Variants in ROBO2 observed in about 807,000 individuals in gnomAD.
ROBO2 encodes the protein roundabout guidance receptor 2.
ROBO2 carries 53 observed loss-of-function variants against 160.8 expected under a neutral mutation model. The observed-to-expected ratio is 0.33, with a 90% CI of 0.26 to 0.41. The LOEUF is 0.41. Ranked by LOEUF, ROBO2 falls within the 10% of genes least tolerant of loss-of-function variation. ROBO2 has a pLI of 1.00. For synonymous variants in ROBO2, 664 were observed against 611.7 expected, an observed-to-expected ratio of 1.09 and a Z score of -1.26; for missense variants, 1,577 against 1,722.4, an observed-to-expected ratio of 0.92 and a Z score of 1.49.
intron 21 of ROBO2, among the ~76,000 whole-genome samples, chr3:77,612,637 A>C (rs1413475419): frequency 1.3e-5 from 2 of 152,160 alleles, no homozygotes; most frequent in African/African-American, 4.8e-5. Context: ...CACACACACA[A>C]AATGACACAG....
chr3:76,473,009 T>A (rs2078749612), intron 2 of ROBO2, among the ~76,000 whole-genome samples: 1 of 152,162 alleles, frequency 6.6e-6, no homozygotes, highest in South Asian at 2.1e-4. Flanking sequence ...AAATGCAATT[T>A]TTTTATGATT....
chr3:76,805,963 C>T (rs2064672577), intron 2 of ROBO2, among the ~76,000 whole-genome samples: 1 of 151,876 alleles, frequency 6.6e-6, no homozygotes. Flanking sequence ...AAGATTACAT[C>T]TAGTCTTCTT....
At chr3:76,134,869 A>C (rs1349829922) in intron 2 of ROBO2, among the ~76,000 whole-genome samples, 1 of 151,926 alleles carries the variant, frequency 6.6e-6, no homozygotes, top group Non-Finnish European at 1.5e-5. Context: ...AAACCTCACA[A>C]AAAAAAATAA....
chr3:77,544,033 A>G (rs1229279395), intron 6 of ROBO2, among the ~76,000 whole-genome samples: 2 of 151,764 alleles, frequency 1.3e-5, no homozygotes, highest in African/African-American at 2.4e-5. Context: ...AGAGATAACT[A>G]TATACTCATT....
At chr3:77,272,583 C>G (rs1054264158) in intron 2 of ROBO2, among the ~76,000 whole-genome samples, 1 of 152,166 alleles carries the variant, frequency 6.6e-6, no homozygotes, top group Middle Eastern at 3.4e-3. Flanking sequence ...TGAGTGGGAA[C>G]ACAAATCCAA....
At chr3:77,365,771 C>T (rs1364803800) in intron 2 of ROBO2, among the ~76,000 whole-genome samples, 7 of 152,040 alleles carry the variant, frequency 4.6e-5, no homozygotes, top group Admixed American at 4.6e-4. Context: ...ATGGTATAGC[C>T]CAGAGTAAAC....
At chr3:76,978,731 G>A (rs2059932273) in intron 2 of ROBO2, among the ~76,000 whole-genome samples, 1 of 151,912 alleles carries the variant, frequency 6.6e-6, no homozygotes, top group Non-Finnish European at 1.5e-5. Context: ...ATAATAAATA[G>A]TGGAAATAAA....
Position 77,099,071 on chromosome 3 carries a change from C to CTTTTTTTTTTTTTTT in ROBO2, c.388+735_388+749dup, listed in dbSNP as rs750626067. Among the ~76,000 whole-genome samples, 4 of 121,254 alleles carry CTTTTTTTTTTTTTTT rather than the reference C, an allele frequency of 3.3e-5. 1 individual carries two copies. The highest frequency in any genetic ancestry group is 1.9e-4 in the Admixed American group (2 of 10,636). 79.5% of individuals were successfully genotyped at this position (121,254 alleles called of 152,430 possible). The stretch of plus-strand genomic sequence containing the variant: ...AACAAAATTGTACTTTTCTTTCTTT[C>CTTTTTTTTTTTTTTT]TTTTTTTTTTTTTTTTTTGAGACAG... On this transcript the variant is annotated intron_variant, in intron 2 of 25. Transcript: ENST00000461745.
chr3:77,337,628 C>T (rs909856252), intron 2 of ROBO2, among the ~76,000 whole-genome samples: 2 of 152,072 alleles, frequency 1.3e-5, no homozygotes, highest in East Asian at 1.9e-4. Context: ...ATAGTTAACT[C>T]GCAAATTGCA....
At chr3:77,358,323 C>T (rs1221739172) in intron 2 of ROBO2, among the ~76,000 whole-genome samples, 1 of 152,106 alleles carries the variant, frequency 6.6e-6, no homozygotes, top group Non-Finnish European at 1.5e-5. Context: ...CTCATTCTTT[C>T]TTTGTTTCTT....
At chr3:75,961,809 A>G (rs867161373) in intron 2 of ROBO2, among the ~76,000 whole-genome samples, 5 of 151,658 alleles carry the variant, frequency 3.3e-5, no homozygotes, top group Non-Finnish European at 7.4e-5. Flanking sequence ...AGAGAATCAA[A>G]CTATATTATT....
chr3:75,917,635 T>C (rs1946866674), intron 1 of ROBO2, among the ~76,000 whole-genome samples: 1 of 152,220 alleles, frequency 6.6e-6, no homozygotes, highest in African/African-American at 2.4e-5. Context: ...ATGGTTGAAC[T>C]ATTTTACAAG....
intron 2 of ROBO2, among the ~76,000 whole-genome samples, chr3:76,991,256 T>A (rs141375338): frequency 6.6e-6 from 1 of 152,138 alleles, no homozygotes; most frequent in East Asian, 1.9e-4. Flanking sequence ...TGGTAAAAAA[T>A]ACTTAGTTAT....
At chr3:75,983,767 A>T (rs1395850805) in intron 2 of ROBO2, among the ~76,000 whole-genome samples, 2 of 151,434 alleles carry the variant, frequency 1.3e-5, no homozygotes, top group Non-Finnish European at 3.0e-5. Flanking sequence ...GCTAATTTAA[A>T]TAGCTTATTT....
rs545513433 is a variant in ROBO2, at chr3:76,991,863, T to C, written c.110-106151T>C. On this transcript the variant is annotated intron_variant, in intron 2 of 26. Transcript: ENST00000487694. ...TTTGTGTTTTGCATTCCAGTAAGGC[T>C]ATTGACCCCAGCTTGGAGGACATAT... Among the ~76,000 whole-genome samples the C allele has an allele frequency of 2.6e-5, 4 of 152,286 alleles. No homozygotes were observed. In the South Asian group the frequency reaches 8.3e-4, roughly 32 times the overall value.
exon 3 of ROBO2, chr3:77,477,547 T>C (rs1025156137): frequency 1.9e-6 from 3 of 1,613,922 alleles, no homozygotes; most frequent in Non-Finnish European, 2.5e-6. Flanking sequence ...AAGTTCGAAT[T>C]GATGACAAGG....
intron 2 of ROBO2, among the ~76,000 whole-genome samples, chr3:76,589,924 A>G (rs1389768342): frequency 6.6e-6 from 1 of 152,182 alleles, no homozygotes; most frequent in Admixed American, 6.5e-5. Flanking sequence ...TAATTTGACT[A>G]AAGAATTTCT....
At chr3:77,304,060 A>T (rs2062885868) in intron 2 of ROBO2, among the ~76,000 whole-genome samples, 1 of 152,126 alleles carries the variant, frequency 6.6e-6, no homozygotes, top group Non-Finnish European at 1.5e-5. Context: ...GTTTCAACCT[A>T]TAAATATTCT....
At chr3:77,476,919 GA>G (rs1278401580) in intron 2 of ROBO2, among the ~76,000 whole-genome samples, 1 of 152,126 alleles carries the variant, frequency 6.6e-6, no homozygotes, top group Non-Finnish European at 1.5e-5. Context: ...GAAGTGTAAT[GA>G]AAACAGTGTG....
Sources: allele counts gnomAD v4.1 joint callset (sites outside exome capture counted in the v4.1 genomes callset), GRCh38; gene constraint gnomAD v4.1.1; transcripts MANE v1.5; gene names NCBI Gene and HGNC (gene_info 2026-07-23, HGNC 2026-07-21).